The following PCDHA5 variants were observed in gnomAD, a reference collection of about 807,000 sequenced individuals.
The protein encoded by PCDHA5 is protocadherin alpha-5.
Under a neutral mutation model 61.6 loss-of-function variants are expected in PCDHA5, and 43 were observed. The observed-to-expected ratio is 0.70, with a 90% CI of 0.55 to 0.90. The LOEUF is 0.90. Among genes scored for constraint, PCDHA5 ranks in the 40% least tolerant of loss-of-function variants. The pLI is 0.00. For synonymous variants in PCDHA5, 627 were observed against 543.9 expected (o/e 1.15, Z -2.13); for missense variants, 1,298 against 1,222.7 (o/e 1.06, Z -0.92).
intron 1 of PCDHA5, among the ~76,000 whole-genome samples, chr5:140,907,117 T>G (rs2073177882): frequency 6.6e-6 from 1 of 152,156 alleles, no homozygotes; most frequent in Non-Finnish European, 1.5e-5. Context: ...ACCCCTTGAT[T>G]CCTGGACCTG....
chr5:140,976,142 C>T (rs1554237347), intron 1 of PCDHA5, among the ~76,000 whole-genome samples: 2 of 152,138 alleles, frequency 1.3e-5, no homozygotes, highest in Admixed American at 1.3e-4. Context: ...GGATGAAACT[C>T]ATGTACATTT....
chr5:140,917,338 G>GGGGGGGT (rs2078134893), intron 1 of PCDHA5, among the ~76,000 whole-genome samples: 1 of 137,894 alleles, frequency 7.3e-6, no homozygotes, highest in Non-Finnish European at 1.6e-5. Context: ...GGAGGGGGGG[G>GGGGGGGT]ATGGTGTAGG....
At chr5:140,993,345 C>T (rs557836440) in intron 3 of PCDHA5, among the ~76,000 whole-genome samples, 25 of 152,064 alleles carry the variant, frequency 1.6e-4, no homozygotes, top group African/African-American at 4.3e-4. Context: ...AAGGGCACTA[C>T]GAAGATCCTC....
rs2150120383 is a variant in PCDHA5, at chr5:140,822,919, G to C, written c.1144G>C (p.Gly382Arg). The part of the protein sequence containing the change: ...SVSDRDSGAN[G>R]QVTCSLMPHV... ...GTCTGACCGTGACTCAGGTGCCAACGGGCAGGTGACCTGCTCCCTAATGCC... is the reference window on the plus strand; with the variant it reads ...GTCTGACCGTGACTCAGGTGCCAACCGGCAGGTGACCTGCTCCCTAATGCC... The change falls in exon 1 of 4, where the codon GGG becomes CGG. Residue 382 changes from glycine to arginine, a missense_variant. Physicochemically the swap from Gly to Arg is moderately radical, Grantham distance 125. Transcript: ENST00000529859. 6 of 1,614,230 alleles carry C rather than the reference G, an allele frequency of 3.7e-6. No homozygotes were observed. In the South Asian group the frequency reaches 4.4e-5, roughly 12 times the overall value.
intron 3 of PCDHA5, among the ~76,000 whole-genome samples, chr5:141,002,755 T>C (rs894161079): frequency 3.3e-5 from 5 of 152,174 alleles, no homozygotes; most frequent in Non-Finnish European, 7.3e-5. Flanking sequence ...GACAACCCTG[T>C]GATGTAGACA....
chr5:140,915,630 C>G (rs2077218866), intron 1 of PCDHA5, among the ~76,000 whole-genome samples: 1 of 142,802 alleles, frequency 7.0e-6, no homozygotes, highest in South Asian at 2.1e-4. Flanking sequence ...CTTTCTGTCT[C>G]TCTCTCTCTC....
intron 1 of PCDHA5, chr5:140,883,153 A>G (rs1268982674): frequency 2.5e-6 from 4 of 1,614,120 alleles, no homozygotes; most frequent in Non-Finnish European, 8.5e-7. Flanking sequence ...CATTTACCAT[A>G]AATCCGAACA....
chr5:140,843,097 G>T, intron 1 of PCDHA5: 1 of 1,595,704 alleles, frequency 6.3e-7, no homozygotes, highest in South Asian at 1.1e-5. Flanking sequence ...ACGTGGTAGC[G>T]AAGGTGCGCG....
chr5:140,854,867 G>T (rs2043248640), intron 1 of PCDHA5, among the ~76,000 whole-genome samples: 1 of 149,650 alleles, frequency 6.7e-6, no homozygotes, highest in East Asian at 1.9e-4. Context: ...ATATATTTCA[G>T]AACTGTGTCT....
Position 140,843,714 on chromosome 5 carries a change from A to C in PCDHA5, c.2352+19587A>C, listed in dbSNP as rs782749981. ...GATTTAAATGTTGATCATGGCCTCA[A>C]AGTAAGTCCATTTAAATTTAGAACT... is the stretch of plus-strand genomic sequence containing the variant. On this transcript the variant is annotated intron_variant, in intron 1 of 3. Transcript: ENST00000529859. The C allele has an allele frequency of 2.5e-6, 4 of 1,569,610 alleles. 1 individual carries two copies. The highest frequency in any genetic ancestry group is 1.4e-5 in the African/African-American group (1 of 73,998).
At chr5:140,829,947 G>A (rs2150178345) in intron 1 of PCDHA5, 3 of 1,613,878 alleles carry the variant, frequency 1.9e-6, no homozygotes, top group Non-Finnish European at 2.5e-6. Context: ...AGCAGCGCTC[G>A]CTTCCCGTTT....
rs34213614 is a variant in PCDHA5 at position 140,896,536 on chromosome 5, C to CTT, written c.2352+72420_2352+72421dup. ...CACACCACAAAGCCCAGCTATTTTT[C>CTT]TTTTTTTTTTTTGTATTTTAAGTAG... On this transcript the variant is annotated intron_variant, in intron 1 of 3. Coordinates refer to ENST00000529859, the MANE Select transcript of PCDHA5 (RefSeq NM_018908.3). 2.9e-3 allele frequency among the ~76,000 whole-genome samples: 427 copies of CTT among 145,644 alleles called. 4 individuals are homozygous for CTT. Among genetic ancestry groups the CTT allele is most frequent in the African/African-American group, 7.7e-3 (305 of 39,602 alleles).
At chr5:140,854,418 TA>T (rs1235351713) in intron 1 of PCDHA5, 1 of 151,722 alleles carries the variant, frequency 6.6e-6, no homozygotes, top group Non-Finnish European at 1.5e-5. Flanking sequence ...AAGTAATCTC[TA>T]AAATCAGAAT....
At chr5:140,967,843 T>C (rs782701780) in intron 1 of PCDHA5, 3 of 1,614,102 alleles carry the variant, frequency 1.9e-6, no homozygotes, top group Admixed American at 3.3e-5. Flanking sequence ...TGGACGTGAA[T>C]GACAATGCCC....
At chr5:140,866,033 A>T (rs934159305) in intron 1 of PCDHA5, 9 of 152,168 alleles carry the variant, frequency 5.9e-5, no homozygotes, top group African/African-American at 2.2e-4. Flanking sequence ...GTTCGTGATC[A>T]TCATTATCAT....
chr5:140,878,658 G>T (rs139171755), intron 1 of PCDHA5, among the ~76,000 whole-genome samples: 120 of 152,200 alleles, frequency 7.9e-4, no homozygotes, highest in African/African-American at 2.7e-3. Flanking sequence ...ATATCCAGAG[G>T]CTTCTCTTTA....
At chr5:140,842,538 C>T (rs1554139153) in intron 1 of PCDHA5, 6 of 1,611,596 alleles carry the variant, frequency 3.7e-6, no homozygotes, top group South Asian at 1.1e-5. Context: ...AATTACTACT[C>T]GTTGGTGCTG....
At chr5:140,836,001 G>T (rs1405342443) in intron 1 of PCDHA5, 5 of 1,613,350 alleles carry the variant, frequency 3.1e-6, no homozygotes, top group African/African-American at 2.7e-5. Flanking sequence ...CGCGCGCGAT[G>T]CGGGCGTGCC....
At chr5:140,930,413 G>A (rs1461655739) in intron 1 of PCDHA5, 1 of 151,722 alleles carries the variant, frequency 6.6e-6, no homozygotes, top group Non-Finnish European at 1.5e-5. Flanking sequence ...TTTGAGACAG[G>A]GGTCTCACTA....
Sources: gnomAD v4.1 joint callset for allele counts (sites outside exome capture counted in the v4.1 genomes callset) on GRCh38, gnomAD v4.1.1 for gene constraint, MANE v1.5 for transcripts, NCBI Gene and HGNC (gene_info 2026-07-23, HGNC 2026-07-21) for gene names.